Variants in TRPM3 observed in about 807,000 individuals in gnomAD.
The protein encoded by TRPM3 is transient receptor potential cation channel subfamily M member 3, also known as long transient receptor potential channel 3.
A neutral mutation model predicts 181.2 loss-of-function variants in TRPM3; 77 were observed. The ratio of observed to expected loss-of-function variants is 0.42; its 90% confidence interval spans 0.35 to 0.51. The LOEUF is 0.51. TRPM3 is among the 20% of genes least tolerant of loss of function. The probability of loss-of-function intolerance (pLI) is 0.01; values close to 1 mark genes in which losing one functional copy is unlikely to be tolerated. For missense variants in TRPM3, 1,759 were observed against 2,196.7 expected (o/e 0.80, Z 3.98); for synonymous variants, 745 against 796.4 (o/e 0.94, Z 1.09).
chr9:71,173,161 G>A (rs1053549314), intron 1 of TRPM3, among the ~76,000 whole-genome samples: 11 of 152,156 alleles, frequency 7.2e-5, no homozygotes, highest in African/African-American at 2.6e-4. Context: ...TCACATAACT[G>A]CATTTTCCAC....
At chr9:70,765,402 C>A (rs1226971005) in intron 7 of TRPM3, among the ~76,000 whole-genome samples, 1 of 151,880 alleles carries the variant, frequency 6.6e-6, no homozygotes, top group African/African-American at 2.4e-5. Flanking sequence ...GCCAGCCTGG[C>A]CAACATATTG....
At chr9:70,659,956 T>C (rs1363655022) in intron 9 of TRPM3, among the ~76,000 whole-genome samples, 2 of 152,180 alleles carry the variant, frequency 1.3e-5, no homozygotes, top group African/African-American at 4.8e-5. Context: ...TCCAAGATTG[T>C]TCTTTTGTCT....
At chr9:70,988,224 G>T (rs1283051101) in intron 1 of TRPM3, among the ~76,000 whole-genome samples, 2 of 152,152 alleles carry the variant, frequency 1.3e-5, no homozygotes, top group Non-Finnish European at 2.9e-5. Flanking sequence ...TGAACGCAAA[G>T]CTTGCCACTG....
At chr9:70,972,632 CAA>C (rs1328460386) in intron 1 of TRPM3, among the ~76,000 whole-genome samples, 1 of 152,058 alleles carries the variant, frequency 6.6e-6, no homozygotes, top group South Asian at 2.1e-4. Flanking sequence ...AATTATAACT[CAA>C]AAAAGTTCTT....
intron 9 of TRPM3, among the ~76,000 whole-genome samples, chr9:70,649,723 T>C (rs1275142187): frequency 6.6e-6 from 1 of 152,174 alleles, no homozygotes; most frequent in Non-Finnish European, 1.5e-5. Flanking sequence ...AATGGGAATG[T>C]AAATTAGCTC....
chr9:71,406,932 GAA>G (rs2093446775), intron 1 of TRPM3, among the ~76,000 whole-genome samples: 2 of 152,062 alleles, frequency 1.3e-5, no homozygotes, highest in Admixed American at 6.6e-5. Context: ...GCGCTGCAAA[GAA>G]GCTCTGATCC....
chr9:71,024,730 A>C (rs757162118), intron 1 of TRPM3, among the ~76,000 whole-genome samples: 1 of 152,252 alleles, frequency 6.6e-6, no homozygotes, highest in Non-Finnish European at 1.5e-5. Flanking sequence ...GCATTCAGTC[A>C]GTCTTAGCCA....
At chr9:71,415,018 A>G (rs1051860334) in intron 1 of TRPM3, among the ~76,000 whole-genome samples, 1 of 152,088 alleles carries the variant, frequency 6.6e-6, no homozygotes, top group African/African-American at 2.4e-5. Flanking sequence ...AAGGATCTTG[A>G]GATGGGAAGA....
At chr9:71,294,774 C>T (rs1321242517) in intron 1 of TRPM3, among the ~76,000 whole-genome samples, 1 of 152,108 alleles carries the variant, frequency 6.6e-6, no homozygotes, top group Non-Finnish European at 1.5e-5. Context: ...GTGATTTACT[C>T]ACACAATCGA....
At chr9:71,291,091 C>T (rs2085771700) in intron 1 of TRPM3, among the ~76,000 whole-genome samples, 1 of 152,090 alleles carries the variant, frequency 6.6e-6, no homozygotes, top group Admixed American at 6.6e-5. Context: ...TTAAATAAAA[C>T]TTATGTGAGG....
intron 1 of TRPM3, among the ~76,000 whole-genome samples, chr9:71,151,915 T>C (rs1346080288): frequency 6.6e-6 from 1 of 152,134 alleles, no homozygotes; most frequent in Non-Finnish European, 1.5e-5. Flanking sequence ...CTGAGTTTTT[T>C]ACTTCAACTA....
At chr9:71,007,060 A>AAAAG (rs1590560342) in intron 1 of TRPM3, among the ~76,000 whole-genome samples, 2 of 128,812 alleles carry the variant, frequency 1.6e-5, no homozygotes, top group South Asian at 2.5e-4. Context: ...AAAAAAAAAA[A>AAAAG]AAAGAAAGAA....
At chr9:70,889,436 T>C (rs969835883) in intron 1 of TRPM3, among the ~76,000 whole-genome samples, 1 of 152,188 alleles carries the variant, frequency 6.6e-6, no homozygotes, top group African/African-American at 2.4e-5. Flanking sequence ...CCTGTTTTCT[T>C]ACCTCTGTCG....
rs188690172 is a variant in TRPM3, at chr9:70,591,578, C to T, written c.3049-373G>A. 1.4e-4 allele frequency among the ~76,000 whole-genome samples: 21 copies of T among 152,224 alleles called. No homozygotes were observed. The East Asian group carries it at 3.3e-3, about 24-fold the overall frequency. ...ACTTTTTCTCTGCTCCTGGGGGAGG[C>T]AAGTGTCCTCTTTGGGTCTCTTTCT... On this transcript the variant is annotated intron_variant, in intron 21 of 25. Transcript: ENST00000677713.
chr9:70,957,032 C>G (rs150146506), intron 1 of TRPM3, among the ~76,000 whole-genome samples: 197 of 150,028 alleles, frequency 1.3e-3, no homozygotes, highest in African/African-American at 4.5e-3. Flanking sequence ...ATGATCTCGG[C>G]TCACTGCAAC....
chr9:71,061,994 C>A (rs929142261), intron 1 of TRPM3, among the ~76,000 whole-genome samples: 100 of 152,012 alleles, frequency 6.6e-4, no homozygotes, highest in African/African-American at 2.3e-3. Context: ...CCCCTTTGAC[C>A]ACAGAAGACC....
chr9:70,969,191 G>A (rs760138234), intron 1 of TRPM3, among the ~76,000 whole-genome samples: 4 of 151,616 alleles, frequency 2.6e-5, no homozygotes, highest in East Asian at 1.9e-4. Flanking sequence ...ACCAAACACC[G>A]CATGTTCTCA....
chr9:71,295,795 T>C (rs1195909645), intron 1 of TRPM3, among the ~76,000 whole-genome samples: 1 of 142,894 alleles, frequency 7.0e-6, no homozygotes, highest in Non-Finnish European at 1.5e-5. Context: ...GCCACGATCA[T>C]GCCACTGCAT....
intron 1 of TRPM3, among the ~76,000 whole-genome samples, chr9:70,875,393 T>C (rs1000283100): frequency 3.9e-5 from 6 of 151,946 alleles, no homozygotes; most frequent in Non-Finnish European, 8.8e-5. Flanking sequence ...CTTTTATAAG[T>C]AAACAAACAA....
Sources: gnomAD v4.1 joint callset for allele counts (sites outside exome capture counted in the v4.1 genomes callset) on GRCh38, gnomAD v4.1.1 for gene constraint, MANE v1.5 for transcripts, NCBI Gene and HGNC (gene_info 2026-07-23, HGNC 2026-07-21) for gene names.